SPECC1L: variants seen among roughly 807,000 people sequenced by gnomAD.
SPECC1L encodes the protein sperm antigen with calponin homology and coiled-coil domains 1 like.
In SPECC1L, 40 loss-of-function variants were observed where a neutral mutation model predicts 116.8. That is an observed-to-expected ratio of 0.34 (90% CI 0.27 to 0.45). The LOEUF (loss-of-function observed/expected upper bound fraction) is 0.45. SPECC1L is among the 20% of genes least tolerant of loss of function. SPECC1L has a pLI of 1.00. For missense variants in SPECC1L, 1,110 were observed against 1,373.6 expected (o/e 0.81, Z 3.03); for synonymous variants, 504 against 500.6 (o/e 1.01, Z -0.09).
chr22:24,392,522 C>G (rs1355558452), intron 14 of SPECC1L, among the ~76,000 whole-genome samples: 1 of 152,166 alleles, frequency 6.6e-6, no homozygotes, highest in Non-Finnish European at 1.5e-5. Flanking sequence ...TGAGGTCATT[C>G]TGGCAATTTA....
chr22:24,272,587 T>C (rs2048750623), intron 1 of SPECC1L, among the ~76,000 whole-genome samples: 1 of 150,244 alleles, frequency 6.7e-6, no homozygotes, highest in South Asian at 2.1e-4. Flanking sequence ...ACAGGAGAAT[T>C]GCTTAGGAGG....
In SPECC1L at chr22:24,400,361, G is replaced by A. The variant is rs192806345; in HGVS notation, c.3088-11227G>A. The stretch of plus-strand genomic sequence containing the variant: ...GTGTCTAACTTTCACTTACCATAAT[G>A]TTTCAATACTTACTCATATTGTGGC... On this transcript the variant is annotated intron_variant, in intron 14 of 16. Coordinates refer to ENST00000314328, the MANE Select transcript of SPECC1L (RefSeq NM_015330.6). Among the ~76,000 whole-genome samples the A allele has an allele frequency of 1.1e-4, 17 of 152,284 alleles. No homozygotes were observed. The East Asian group carries it at 3.3e-3, about 29-fold the overall frequency.
At position 24,303,330 on chromosome 22, in the gene SPECC1L, C is replaced by CT. The variant is rs200471721; in HGVS notation, c.153+947dup. Among the ~76,000 whole-genome samples the CT allele has an allele frequency of 7.4e-3, 1,129 of 152,334 alleles. 6 individuals carry two copies. The highest frequency in any genetic ancestry group is 0.012 in the South Asian group (60 of 4,826). On this transcript the variant is annotated intron_variant, in intron 3 of 16. Transcript: ENST00000314328. ...GAGATGCACACAGATTTTCTCCTAG[C>CT]TGTGGCCCTGAGGAATTGTTAGGTA...
Position 24,324,237 on chromosome 22 carries a change from A to C in SPECC1L, c.1956A>C (p.Arg652=). 6.2e-7 allele frequency: 1 copy of C among 1,614,004 alleles called. No individual in the cohort carries two copies. Among genetic ancestry groups the C allele is most frequent in the South Asian group, 1.1e-5 (1 of 91,082 alleles). The change falls in exon 6 of 17, where the codon CGA becomes CGC. Residue 652 remains arginine (R), a synonymous_variant. Transcript: ENST00000314328. The part of the protein sequence containing the change: ...DAIAKVEDEY[R]AFQEEAKKQI... ...TTACGTAGGTAGAGGATGAATACCG[A>C]GCCTTCCAAGAAGAAGCTAAGAAAC...
chr22:24,322,851 G>T lies in SPECC1L; in HGVS notation c.1871G>T (p.Ser624Ile). Residue 624 changes from serine (S) to isoleucine (I), a missense_variant, in exon 5 of 17, where the codon AGT (serine) becomes ATT (isoleucine). Ser to Ile is a moderately radical substitution (Grantham distance 142). This residue lies in a region of SPECC1L where 575 missense variants were observed against 682.4 expected (regional missense o/e 0.84). Transcript: ENST00000314328. The part of the protein sequence containing the change: ...LDKEKAETLA[S>I]SLQEDLAHTR... The stretch of plus-strand genomic sequence containing the variant: ...AAAGAAAAAGCAGAGACTTTGGCTA[G>T]TAGCTTGCAGGAAGATCTGGCTCAT... 6.2e-7 allele frequency: 1 copy of T among 1,612,970 alleles called. No individual in the cohort carries two copies. The highest frequency in any genetic ancestry group is 8.5e-7 in the Non-Finnish European group (1 of 1,179,526).
At chr22:24,382,215 T>C (rs186353289) in intron 14 of SPECC1L, among the ~76,000 whole-genome samples, 2 of 152,288 alleles carry the variant, frequency 1.3e-5, no homozygotes, top group East Asian at 3.9e-4. Flanking sequence ...AAAAATTCAA[T>C]TGAGTTGAGC....
At chr22:24,309,373 A>G (rs967984584) in intron 3 of SPECC1L, among the ~76,000 whole-genome samples, 6 of 152,186 alleles carry the variant, frequency 3.9e-5, no homozygotes, top group Non-Finnish European at 5.9e-5. Flanking sequence ...AATTATCTGT[A>G]CAACTGTGAA....
intron 11 of SPECC1L, among the ~76,000 whole-genome samples, chr22:24,357,778 G>C (rs897073845): frequency 6.6e-6 from 1 of 152,204 alleles, no homozygotes; most frequent in African/African-American, 2.4e-5. Context: ...TAGTTTTCCA[G>C]AGGGCTTTTC....
In SPECC1L at chr22:24,323,520, A is replaced by G. The variant is rs191997858; in HGVS notation, c.1938+602A>G. Among the ~76,000 whole-genome samples the G allele has an allele frequency of 2.9e-4, 44 of 152,316 alleles. 1 individual carries two copies. In the East Asian group the frequency reaches 7.9e-3, roughly 27 times the overall value. ...TCAGTTGGAACTGCTACCCAGGGCC[A>G]CTGGCATTCTGGCCAGGGATCTATC... On this transcript the variant is annotated intron_variant, in intron 5 of 16. Transcript: ENST00000314328.
At chr22:24,290,886 A>G (rs2049144290) in intron 2 of SPECC1L, among the ~76,000 whole-genome samples, 1 of 152,224 alleles carries the variant, frequency 6.6e-6, no homozygotes, top group South Asian at 2.1e-4. Context: ...AACACTTCTT[A>G]CTGGGTTTCT....
chr22:24,366,671 G>T (rs1247542484), intron 13 of SPECC1L, among the ~76,000 whole-genome samples: 1 of 152,192 alleles, frequency 6.6e-6, no homozygotes, highest in Non-Finnish European at 1.5e-5. Flanking sequence ...TAAAAGGAAT[G>T]CAAGAATGGA....
rs117160991 is a variant in SPECC1L at position 24,361,158 on chromosome 22, G to A, written c.2744-2103G>A. Among the ~76,000 whole-genome samples the A allele has an allele frequency of 0.01, 1,588 of 151,860 alleles. 77 individuals carry two copies. In the South Asian group the frequency reaches 0.12, roughly 11 times the overall value. ...CATGCCTGTAATCCCAGCACTTTGG[G>A]AGGCCAAGATGGGAGGATTGCTTTA... is the stretch of plus-strand genomic sequence containing the variant. On this transcript the variant is annotated intron_variant, in intron 11 of 16. Transcript: ENST00000314328.
At chr22:24,383,792 ATTTTTTTTTTTTTTTT>A (rs538972717) in intron 14 of SPECC1L, among the ~76,000 whole-genome samples, 127 of 77,328 alleles carry the variant, frequency 1.6e-3, no homozygotes, top group Middle Eastern at 6.9e-3. Context: ...ACCCACCACT[ATTTTTTTTTTTTTTTT>A]TTTTTTTTTT....
intron 1 of SPECC1L, among the ~76,000 whole-genome samples, chr22:24,271,206 T>G (rs1462057489): frequency 5.9e-5 from 9 of 152,242 alleles, no homozygotes; most frequent in African/African-American, 1.9e-4. Flanking sequence ...ACCCGCAGGC[T>G]TCGCCGCCGA....
chr22:24,328,196 C>T (rs1248255459), intron 6 of SPECC1L, among the ~76,000 whole-genome samples: 1 of 152,122 alleles, frequency 6.6e-6, no homozygotes, highest in East Asian at 1.9e-4. Context: ...TCCTTGTATC[C>T]TCACTCTATC....
At chr22:24,279,442 T>TGG (rs1307702677) in intron 2 of SPECC1L, among the ~76,000 whole-genome samples, 2 of 152,230 alleles carry the variant, frequency 1.3e-5, no homozygotes, top group Non-Finnish European at 2.9e-5. Context: ...TTGCACAGGC[T>TGG]GGTCTCAAAT....
At chr22:24,329,876 A>G (rs533997110) in intron 7 of SPECC1L, among the ~76,000 whole-genome samples, 1 of 151,380 alleles carries the variant, frequency 6.6e-6, no homozygotes, top group South Asian at 2.1e-4. Context: ...CATACCATTT[A>G]TATACCTTTT....
At chr22:24,334,064 C>T (rs1601570280) in intron 8 of SPECC1L, among the ~76,000 whole-genome samples, 1 of 149,054 alleles carries the variant, frequency 6.7e-6, no homozygotes, top group South Asian at 2.1e-4. Context: ...CCAGGCCGGA[C>T]TGCAGTGGCA....
intron 11 of SPECC1L, among the ~76,000 whole-genome samples, chr22:24,347,785 C>A (rs867870456): frequency 1.4e-4 from 21 of 152,136 alleles, no homozygotes; most frequent in Middle Eastern, 3.2e-3. Flanking sequence ...AAGCAATTCT[C>A]CCACCTCAGC....
Sources: allele counts gnomAD v4.1 joint callset (sites outside exome capture counted in the v4.1 genomes callset), GRCh38; gene constraint gnomAD v4.1.1; regional missense constraint gnomAD v4.1.1; transcripts MANE v1.5; gene names NCBI Gene and HGNC (gene_info 2026-07-23, HGNC 2026-07-21).